CD99: variants seen among roughly 807,000 people sequenced by gnomAD.
The protein encoded by CD99 is CD99 antigen.
A neutral mutation model predicts 28.4 loss-of-function variants in CD99; 19 were observed. The observed-to-expected ratio is 0.67, with a 90% CI of 0.47 to 0.98. CD99 has a LOEUF of 0.98. Ranked by LOEUF, CD99 falls within the 50% of genes least tolerant of loss-of-function variation. The probability of loss-of-function intolerance (pLI) is 0.00; values close to 1 mark genes in which losing one functional copy is unlikely to be tolerated. For synonymous variants in CD99, 103 were observed against 92.1 expected (o/e 1.12, Z -0.67); for missense variants, 283 against 248.8 (o/e 1.14, Z -0.92).
In CD99 at chrX:2,739,083, A is replaced by G. The variant is rs192829288; in HGVS notation, c.532+827A>G. 5.3e-3 allele frequency among the ~76,000 whole-genome samples: 801 copies of G among 151,890 alleles called. 9 individuals are homozygous for G. The highest frequency in any genetic ancestry group is 0.018 in the African/African-American group (751 of 41,420). On this transcript the variant is annotated intron_variant, in intron 9 of 9. Transcript: ENST00000381192. ...TAGGTTGCCCAGACAGGGTCTCACT[A>G]TGTTGCCCATCCTGAGCTCAAGCAA... is the stretch of plus-strand genomic sequence containing the variant.
At chrX:2,729,137 C>A (rs909839449) in intron 8 of CD99, among the ~76,000 whole-genome samples, 1 of 152,140 alleles carries the variant, frequency 6.6e-6, no homozygotes, top group Non-Finnish European at 1.5e-5. Flanking sequence ...CACCCGGCCT[C>A]TTTTTTAGAA....
At chrX:2,696,709 T>G (rs996842768) in intron 1 of CD99, among the ~76,000 whole-genome samples, 1 of 152,192 alleles carries the variant, frequency 6.6e-6, no homozygotes, top group African/African-American at 2.4e-5. Context: ...GGCTGAAACA[T>G]GGTAGCTCAC....
At chrX:2,706,856 T>C (rs2048142545) in intron 1 of CD99, among the ~76,000 whole-genome samples, 1 of 151,988 alleles carries the variant, frequency 6.6e-6, no homozygotes, top group African/African-American at 2.4e-5. Flanking sequence ...AGTCTCACTC[T>C]GTCGCCCAGG....
chrX:2,719,453 T>TC lies in CD99; in HGVS notation c.149-207dup, dbSNP rs1157511526. 3 of 631,676 alleles carry TC rather than the reference T, an allele frequency of 4.7e-6. No individual in the cohort carries two copies. In the African/African-American group the frequency reaches 5.5e-5, roughly 12 times the overall value. The allele number at this position is 631,676 out of a possible 1,614,324, so 39.1% of individuals were successfully genotyped here. On this transcript the variant is annotated intron_variant, in intron 3 of 9. Coordinates refer to ENST00000381192, the MANE Select transcript of CD99 (RefSeq NM_002414.5). ...TCCTAGCTTTTTATCTGTCTCTGTC[T>TC]CTCTGTTTTTTCCTCTTTTTATCTG...
intron 1 of CD99, among the ~76,000 whole-genome samples, chrX:2,696,309 C>T (rs764836922): frequency 5.8e-4 from 88 of 152,312 alleles, no homozygotes; most frequent in Admixed American, 9.8e-4. Flanking sequence ...AGGTGGGGTT[C>T]GGATTGCTTG....
intron 1 of CD99, among the ~76,000 whole-genome samples, chrX:2,708,672 G>A (rs2048236938): frequency 6.6e-6 from 1 of 152,176 alleles, no homozygotes; most frequent in African/African-American, 2.4e-5. Context: ...CTAGGGCTAA[G>A]GGCAGAGGGT....
chrX:2,727,979 T>C (rs1261311296), intron 8 of CD99, among the ~76,000 whole-genome samples: 1 of 152,118 alleles, frequency 6.6e-6, no homozygotes, highest in Non-Finnish European at 1.5e-5. Context: ...ACTGTAGGGG[T>C]GGAGTTTCCC....
At chrX:2,712,964 A>G (rs1268844905) in intron 1 of CD99, among the ~76,000 whole-genome samples, 1 of 151,576 alleles carries the variant, frequency 6.6e-6, no homozygotes, top group Non-Finnish European at 1.5e-5. Flanking sequence ...CACACTACAC[A>G]CACCTACACA....
intron 5 of CD99, among the ~76,000 whole-genome samples, chrX:2,721,103 T>C (rs2048972517): frequency 6.6e-6 from 1 of 152,082 alleles, no homozygotes; most frequent in African/African-American, 2.4e-5. Context: ...TTCTGACATA[T>C]CACAGCATTT....
intron 2 of CD99, among the ~76,000 whole-genome samples, chrX:2,716,756 CCTT>C (rs1212587805): frequency 6.6e-6 from 1 of 152,178 alleles, no homozygotes; most frequent in East Asian, 1.9e-4. Context: ...ACCACCTACC[CCTT>C]CTTGGCCCTT....
At chrX:2,701,069 A>G (rs1321632157) in intron 1 of CD99, among the ~76,000 whole-genome samples, 3 of 151,098 alleles carry the variant, frequency 2.0e-5, no homozygotes, top group African/African-American at 7.3e-5. Context: ...CCACTCAACC[A>G]TCCATCCACC....
intron 8 of CD99, among the ~76,000 whole-genome samples, chrX:2,729,644 C>T (rs1439188293): frequency 6.6e-6 from 1 of 152,148 alleles, no homozygotes; most frequent in Non-Finnish European, 1.5e-5. Context: ...CTTGGGAAAG[C>T]ACCCAGGAGG....
chrX:2,733,525 C>A, intron 8 of CD99: 1 of 776,468 alleles, frequency 1.3e-6, no homozygotes, highest in South Asian at 1.7e-5. Flanking sequence ...AATCACATGG[C>A]GGATTCTCTG....
intron 9 of CD99, among the ~76,000 whole-genome samples, chrX:2,739,651 G>A (rs1429361172): frequency 2.6e-5 from 4 of 151,748 alleles, no homozygotes; most frequent in Admixed American, 2.0e-4. Context: ...CGGGGCTTTC[G>A]CCATGTTGGC....
At chrX:2,731,590 A>G (rs1347611527) in intron 8 of CD99, among the ~76,000 whole-genome samples, 1 of 152,222 alleles carries the variant, frequency 6.6e-6, no homozygotes, top group Non-Finnish European at 1.5e-5. Flanking sequence ...CTTTGTCTCA[A>G]AAAAGAAAAA....
At chrX:2,699,575 ATTC>A (rs1465435974) in intron 1 of CD99, among the ~76,000 whole-genome samples, 2 of 148,348 alleles carry the variant, frequency 1.3e-5, no homozygotes, top group African/African-American at 5.0e-5. Context: ...GGTTCAAGTG[ATTC>A]TTCTGCCTCA....
chrX:2,691,509 G>C, intron 1 of CD99, 82 bp downstream of exon 1: 1 of 1,446,562 alleles, frequency 6.9e-7, no homozygotes, highest in East Asian at 2.5e-5. Flanking sequence ...GCGGCGTTGG[G>C]GGCGCCCCGC....
At chrX:2,714,994 G>A (rs886222711) in intron 2 of CD99, 2 of 153,102 alleles carry the variant, frequency 1.3e-5, no homozygotes, top group African/African-American at 4.8e-5. Flanking sequence ...AAACTTGCCA[G>A]GTCCTTGGGG....
chrX:2,737,788 G>A (rs1396870070), intron 8 of CD99: 30 of 344,336 alleles, frequency 8.7e-5, no homozygotes, highest in Non-Finnish European at 1.4e-4. Context: ...GAGTCACCAC[G>A]CCCAGCCGTC....
Sources: gnomAD v4.1 joint callset for allele counts (sites outside exome capture counted in the v4.1 genomes callset) on GRCh38, gnomAD v4.1.1 for gene constraint, MANE v1.5 for transcripts, NCBI Gene and HGNC (gene_info 2026-07-23, HGNC 2026-07-21) for gene names.